Variants in PLGRKT observed in about 807,000 individuals in gnomAD.
PLGRKT encodes the protein plasminogen receptor (KT).
PLGRKT carries 22 observed loss-of-function variants against 18.5 expected under a neutral mutation model. The ratio of observed to expected loss-of-function variants is 1.19; its 90% CI spans 0.85 to 1.70. The LOEUF (loss-of-function observed/expected upper bound fraction) is 1.70, where lower values mean the gene tolerates loss of function less well. Among genes scored for constraint, PLGRKT ranks in the 40% most tolerant of loss-of-function variants. The pLI is 0.00. For missense variants in PLGRKT, 235 were observed against 174.4 expected (o/e 1.35, Z -1.96); for synonymous variants, 72 against 52.8 (o/e 1.36, Z -1.58).
chr9:5,427,743 T>C (rs1586745542), intron 3 of PLGRKT, among the ~76,000 whole-genome samples: 1 of 152,182 alleles, frequency 6.6e-6, no homozygotes, highest in African/African-American at 2.4e-5. Context: ...TTACATGCCC[T>C]GATAGTTTTG....
At chr9:5,425,900 G>T (rs1343065999) in intron 3 of PLGRKT, among the ~76,000 whole-genome samples, 1 of 152,100 alleles carries the variant, frequency 6.6e-6, no homozygotes, top group Non-Finnish European at 1.5e-5. Flanking sequence ...TTATTTATTA[G>T]GCTTTACTCT....
intron 3 of PLGRKT, among the ~76,000 whole-genome samples, chr9:5,397,153 A>C (rs1264146203): frequency 1.2e-4 from 19 of 152,088 alleles, no homozygotes; most frequent in Non-Finnish European, 2.8e-4. Flanking sequence ...TAGGCTTCCT[A>C]CTAGTGGCAA....
chr9:5,401,285 A>G (rs983218175), intron 3 of PLGRKT, among the ~76,000 whole-genome samples: 2 of 138,838 alleles, frequency 1.4e-5, no homozygotes, highest in African/African-American at 5.9e-5. Context: ...TTTTAAATAT[A>G]GGACGGGCTA....
intron 3 of PLGRKT, among the ~76,000 whole-genome samples, chr9:5,415,939 C>A (rs1436873226): frequency 3.0e-5 from 4 of 131,234 alleles, no homozygotes; most frequent in African/African-American, 6.0e-5. Context: ...TAGGAAAAAA[C>A]TGGTGAAATA....
At chr9:5,388,476 C>T (rs2131105635) in intron 3 of PLGRKT, among the ~76,000 whole-genome samples, 1 of 152,096 alleles carries the variant, frequency 6.6e-6, no homozygotes, top group South Asian at 2.1e-4. Context: ...TATATAAACT[C>T]ACTATTCTTG....
intron 3 of PLGRKT, among the ~76,000 whole-genome samples, chr9:5,375,924 C>T (rs1175838646): frequency 6.6e-6 from 1 of 152,162 alleles, no homozygotes; most frequent in Non-Finnish European, 1.5e-5. Context: ...GCATTATTCA[C>T]AACAGCCAAA....
chr9:5,415,175 A>T (rs1212648339), intron 3 of PLGRKT, among the ~76,000 whole-genome samples: 2 of 152,202 alleles, frequency 1.3e-5, no homozygotes, highest in Non-Finnish European at 2.9e-5. Flanking sequence ...CAGGTACTCA[A>T]AAAAGGATGG....
chr9:5,404,399 C>T (rs1427845673), intron 3 of PLGRKT, among the ~76,000 whole-genome samples: 2 of 152,174 alleles, frequency 1.3e-5, no homozygotes, highest in Non-Finnish European at 2.9e-5. Flanking sequence ...CAAGCCAAAA[C>T]CAGCAGCACA....
chr9:5,364,592 C>T (rs7874937), intron 3 of PLGRKT, among the ~76,000 whole-genome samples: 37,332 of 152,048 alleles, frequency 0.25, 4,737 homozygotes, highest in African/African-American at 0.29. Context: ...TGTGGCACAA[C>T]CTCAATGAAG....
chr9:5,417,329 G>A (rs184838599), intron 3 of PLGRKT, among the ~76,000 whole-genome samples: 4 of 152,184 alleles, frequency 2.6e-5, no homozygotes, highest in Admixed American at 1.3e-4. Context: ...ATATCCACAC[G>A]CAAAAGAGTA....
intron 3 of PLGRKT, among the ~76,000 whole-genome samples, chr9:5,428,239 T>A (rs1212622777): frequency 6.6e-6 from 1 of 152,172 alleles, no homozygotes; most frequent in Middle Eastern, 3.2e-3. Context: ...ATACAAAGCC[T>A]TGCTTACTGG....
chr9:5,366,832 A>G (rs1262669333), intron 3 of PLGRKT, among the ~76,000 whole-genome samples: 4 of 152,148 alleles, frequency 2.6e-5, no homozygotes, highest in African/African-American at 7.2e-5. Context: ...ATATGATTCT[A>G]TATTAGGAAA....
At chr9:5,432,972 G>A (rs1002497452) in intron 2 of PLGRKT, among the ~76,000 whole-genome samples, 1 of 151,658 alleles carries the variant, frequency 6.6e-6, no homozygotes, top group Non-Finnish European at 1.5e-5. Flanking sequence ...GGGAGGTGAG[G>A]AGCATCTCTG....
chr9:5,378,050 C>T (rs1250437529), intron 3 of PLGRKT, among the ~76,000 whole-genome samples: 2 of 152,134 alleles, frequency 1.3e-5, no homozygotes, highest in Admixed American at 6.5e-5. Flanking sequence ...CTTGTGTTGG[C>T]ACATGTTGCA....
At chr9:5,374,310 T>G (rs1461172512) in intron 3 of PLGRKT, among the ~76,000 whole-genome samples, 4 of 152,246 alleles carry the variant, frequency 2.6e-5, no homozygotes, top group Non-Finnish European at 5.9e-5. Flanking sequence ...GTTCTTGGTT[T>G]CTTCCCCCTC....
At chr9:5,367,931 C>T (rs894150398) in intron 3 of PLGRKT, among the ~76,000 whole-genome samples, 4 of 152,042 alleles carry the variant, frequency 2.6e-5, no homozygotes, top group Non-Finnish European at 5.9e-5. Flanking sequence ...GGGCAAAGGA[C>T]ATGAACAGAC....
chr9:5,392,893 G>C (rs1242132464), intron 3 of PLGRKT, among the ~76,000 whole-genome samples: 1 of 151,494 alleles, frequency 6.6e-6, no homozygotes, highest in African/African-American at 2.4e-5. Flanking sequence ...CCAGGCTGGA[G>C]TGCAGTGGTG....
At position 5,371,986 on chromosome 9, in the gene PLGRKT, C is replaced by CTTTTTTTTTTTTGTTTTTTTTTTTTTTT. The variant is rs1817527701; in HGVS notation, c.82-10099_82-10098insAAAAAAAAAAAAAAACAAAAAAAAAAAA. On this transcript the variant is annotated intron_variant, in intron 3 of 5. Transcript: ENST00000223864. The stretch of plus-strand genomic sequence containing the variant: ...CTGCAAAAAACAATATCAGAAAATC[C>CTTTTTTTTTTTTGTTTTTTTTTTTTTTT]TTTTTTTTTTTTTGATATGGAGTCT... 2.2e-5 allele frequency among the ~76,000 whole-genome samples: 2 copies of CTTTTTTTTTTTTGTTTTTTTTTTTTTTT among 89,152 alleles called. 1 individual carries two copies. The highest frequency in any genetic ancestry group is 4.1e-5 in the Non-Finnish European group (2 of 48,582). The allele number at this position is 89,152 out of a possible 152,430, so 58.5% of individuals were successfully genotyped here. A position where few individuals can be genotyped will look rare whatever the true frequency, so the allele number is the denominator to read the frequency against.
rs73641608 is a variant in PLGRKT, at chr9:5,422,661, G to T, written c.81+9236C>A. 8.5e-4 allele frequency among the ~76,000 whole-genome samples: 129 copies of T among 152,260 alleles called. 1 individual carries two copies. Among genetic ancestry groups the T allele is most frequent in the African/African-American group, 2.8e-3 (117 of 41,554 alleles). The stretch of plus-strand genomic sequence containing the variant: ...ACTGAAATTAGGTTGCATATGATAG[G>T]AAGAAATTATTGCTAATTTAGCTAA... On this transcript the variant is annotated intron_variant, in intron 3 of 5. Coordinates refer to ENST00000223864, the MANE Select transcript of PLGRKT (RefSeq NM_018465.4).
Sources: allele counts gnomAD v4.1 joint callset (sites outside exome capture counted in the v4.1 genomes callset), GRCh38; gene constraint gnomAD v4.1.1; transcripts MANE v1.5; gene names NCBI Gene and HGNC (gene_info 2026-07-23, HGNC 2026-07-21).